CASD1: variants seen among roughly 807,000 people sequenced by gnomAD.
CASD1 encodes CAS1 domain sialic acid O acetyltransferase 1, also known as N-acetylneuraminate (7)9-O-acetyltransferase.
Under a neutral mutation model 100.0 loss-of-function variants are expected in CASD1, and 41 were observed. That is an observed-to-expected ratio of 0.41 (90% CI 0.32 to 0.53). CASD1 has a LOEUF of 0.53. Ranked by LOEUF, CASD1 falls within the 20% of genes least tolerant of loss-of-function variation. The pLI, the probability that CASD1 is intolerant of heterozygous loss-of-function variation, is 0.25. For missense variants in CASD1, 774 were observed against 948.7 expected (o/e 0.82, Z 2.42); for synonymous variants, 321 against 315.6 (o/e 1.02, Z -0.18).
rs1320536269 is a variant in CASD1, at chr7:94,517,998, CATGTA to C, written c.231-199_231-195del. ...TAATACAGTTAGAGTACATCTTAAA[CATGTA>C]ATGTATCGAGCTATTACAGAGAGTT... On this transcript the variant is annotated intron_variant, in intron 2 of 17. Transcript: ENST00000297273. Among the ~76,000 whole-genome samples, 4 of 152,188 alleles carry C rather than the reference CATGTA, an allele frequency of 2.6e-5. No homozygotes were observed. In the South Asian group the frequency reaches 8.3e-4, roughly 32 times the overall value.
chr7:94,552,684 C>G (rs1763476545), intron 16 of CASD1, among the ~76,000 whole-genome samples: 1 of 152,190 alleles, frequency 6.6e-6, no homozygotes, highest in Admixed American at 6.5e-5. Context: ...CGCCTGTAAT[C>G]CCAGCACTTT....
At chr7:94,533,183 A>T (rs1310829991) in intron 5 of CASD1, 22 bp from the exon 6 acceptor site, 2 of 1,587,254 alleles carry the variant, frequency 1.3e-6, no homozygotes, top group Non-Finnish European at 1.7e-6. Context: ...TAATACTATG[A>T]TAAAGATTTG....
chr7:94,550,114 G>T (rs1795876990), intron 14 of CASD1, among the ~76,000 whole-genome samples: 1 of 152,102 alleles, frequency 6.6e-6, no homozygotes, highest in African/African-American at 2.4e-5. Flanking sequence ...GTAGAAGTGT[G>T]CAAAGAAGAA....
chr7:94,603,041 T>C, the CASD1 span, among the ~76,000 whole-genome samples: 1 of 152,162 alleles, frequency 6.6e-6, no homozygotes, highest in Admixed American at 6.6e-5. Context: ...AGGGGTTCAT[T>C]TGGACCACCT....
At chr7:94,587,618 T>C in the CASD1 span, 1 of 1,397,938 alleles carries the variant, frequency 7.2e-7, no homozygotes, top group South Asian at 1.8e-5. Context: ...CCTTCATCAA[T>C]CTCCTGAATG....
At chr7:94,564,770 G>A in the CASD1 span, among the ~76,000 whole-genome samples, 2 of 152,090 alleles carry the variant, frequency 1.3e-5, no homozygotes, top group African/African-American at 2.4e-5. Flanking sequence ...TGTCAAAAAG[G>A]CTGGTTACTC....
Position 94,510,125 on chromosome 7 carries a change from A to G in CASD1, c.41A>G (p.Asn14Ser). ...TACAACCTGGGCAAGCGGGAGATCA[A>G]CCACTACTTCAGCGTGAGGAGCGCC... ...LAYNLGKREINHYFSVRSAKV... is the reference protein window; with the variant it reads ...LAYNLGKREISHYFSVRSAKV... Residue 14 changes from asparagine (N) to serine (S), a missense_variant, in exon 1 of 18, where the codon AAC (asparagine) becomes AGC (serine). Coordinates refer to ENST00000297273, the MANE Select transcript of CASD1 (RefSeq NM_022900.5). 6.5e-7 allele frequency: 1 copy of G among 1,530,186 alleles called. No homozygotes were observed. The highest frequency in any genetic ancestry group is 8.8e-7 in the Non-Finnish European group (1 of 1,137,330). The allele number at this position is 1,530,186 out of a possible 1,614,324, so 94.8% of individuals were successfully genotyped here.
chr7:94,521,255 G>A (rs575523083), intron 3 of CASD1, among the ~76,000 whole-genome samples: 1 of 152,136 alleles, frequency 6.6e-6, no homozygotes, highest in South Asian at 2.1e-4. Context: ...TAACACTAAA[G>A]TAATTTCTGA....
intron 5 of CASD1, among the ~76,000 whole-genome samples, chr7:94,528,632 G>T (rs927005381): frequency 1.3e-5 from 2 of 151,914 alleles, no homozygotes; most frequent in African/African-American, 4.8e-5. Context: ...GGAAACTTTT[G>T]TTTATTTGTT....
chr7:94,512,481 A>G (rs1437119693), intron 1 of CASD1, among the ~76,000 whole-genome samples: 1 of 152,230 alleles, frequency 6.6e-6, no homozygotes, highest in Non-Finnish European at 1.5e-5. Flanking sequence ...TGCAGTTTGG[A>G]TATACATATT....
chr7:94,565,392 C>A, the CASD1 span, among the ~76,000 whole-genome samples: 4 of 152,142 alleles, frequency 2.6e-5, no homozygotes, highest in Non-Finnish European at 4.4e-5. Context: ...TTACCACCCA[C>A]TGAAGGTATA....
At chr7:94,538,673 A>C (rs994408539) in intron 9 of CASD1, among the ~76,000 whole-genome samples, 8 of 152,160 alleles carry the variant, frequency 5.3e-5, no homozygotes, top group African/African-American at 1.9e-4. Flanking sequence ...GTTTAATTTT[A>C]GTACATTTAA....
At chr7:94,599,920 C>A in the CASD1 span, 1 of 427,344 alleles carries the variant, frequency 2.3e-6, no homozygotes, top group Non-Finnish European at 4.1e-6. Context: ...TGATGAGAAA[C>A]ACATAGAAAA....
the CASD1 span, chr7:94,584,912 G>A: frequency 1.3e-5 from 2 of 152,256 alleles, no homozygotes; most frequent in South Asian, 4.1e-4. Context: ...TGATTATGAA[G>A]TCAAGTAAGT....
At chr7:94,515,681 T>C (rs1184522650) in intron 1 of CASD1, among the ~76,000 whole-genome samples, 1 of 152,028 alleles carries the variant, frequency 6.6e-6, no homozygotes, top group African/African-American at 2.4e-5. Flanking sequence ...TGTCTGGGCT[T>C]TTAGTTCAAA....
Position 94,555,527 on chromosome 7 carries a change from G to A in CASD1, c.2163G>A (p.Ala721=), listed in dbSNP as rs762307182. 2.9e-5 allele frequency: 46 copies of A among 1,612,850 alleles called. 1 individual carries two copies. Among genetic ancestry groups the A allele is most frequent in the East Asian group, 1.3e-4 (6 of 44,792 alleles). The change falls in exon 18 of 18, where the codon GCG becomes GCA. Residue 721 remains alanine (A), a synonymous_variant. Transcript: ENST00000297273. ...FICQYHIWLA[A]DTRGILVLIP... is the part of the protein sequence containing the mutation. ...GCCAGTATCACATATGGCTGGCAGC[G>A]GACACAAGGGGTATCTTGGTACTGA...
chr7:94,593,967 C>T, the CASD1 span, among the ~76,000 whole-genome samples: 1 of 152,070 alleles, frequency 6.6e-6, no homozygotes, highest in Non-Finnish European at 1.5e-5. Context: ...TTCCACCAGA[C>T]TCCAAATTCC....
the CASD1 span, among the ~76,000 whole-genome samples, chr7:94,570,128 C>T: frequency 6.6e-6 from 1 of 152,074 alleles, no homozygotes; most frequent in African/African-American, 2.4e-5. Flanking sequence ...TCTGACTTTT[C>T]ATTGCAAAGT....
In CASD1 at chr7:94,547,176, G is replaced by T; in HGVS notation, c.1713+1G>T. The stretch of plus-strand genomic sequence containing the variant: ...CATATGTTTTTTGGCATATTCTCAG[G>T]TTTGTACAATCTTTTCAGTTTATAT... On this transcript the variant is annotated splice_donor_variant, in intron 13 of 17. Transcript: ENST00000297273. LOFTEE classifies it high-confidence loss of function. 1.3e-6 allele frequency: 2 copies of T among 1,559,562 alleles called. No homozygotes were observed. The highest frequency in any genetic ancestry group is 1.3e-5 in the South Asian group (1 of 79,966).
Sources: allele counts gnomAD v4.1 joint callset (sites outside exome capture counted in the v4.1 genomes callset), GRCh38; gene constraint gnomAD v4.1.1; transcripts MANE v1.5; gene names NCBI Gene and HGNC (gene_info 2026-07-23, HGNC 2026-07-21).